Variants in RIPOR2 observed in about 807,000 individuals in gnomAD.
RIPOR2 encodes RHO family interacting cell polarization regulator 2.
Under a neutral mutation model 114.5 loss-of-function variants are expected in RIPOR2, and 39 were observed. The ratio of observed to expected loss-of-function variants is 0.34; its 90% CI spans 0.26 to 0.44. RIPOR2 has a LOEUF of 0.44. Ranked by LOEUF, RIPOR2 falls within the 20% of genes least tolerant of loss-of-function variation. The pLI is 1.00. For missense variants in RIPOR2, 1,007 were observed against 1,255.1 expected, an observed-to-expected ratio of 0.80 and a Z score of 2.99; for synonymous variants, 445 against 484.4, an observed-to-expected ratio of 0.92 and a Z score of 1.07.
chr6:24,993,637 C>T (rs1293938612), intron 1 of RIPOR2, among the ~76,000 whole-genome samples: 1 of 152,238 alleles, frequency 6.6e-6, no homozygotes, highest in Non-Finnish European at 1.5e-5. Flanking sequence ...TGTGCCTGTG[C>T]ACATGCTCAC....
At chr6:25,004,436 AACAG>A (rs1775456899) in intron 1 of RIPOR2, among the ~76,000 whole-genome samples, 1 of 152,174 alleles carries the variant, frequency 6.6e-6, no homozygotes, top group African/African-American at 2.4e-5. Flanking sequence ...TGGAGAGGGT[AACAG>A]CTTCTCCTTT....
intron 1 of RIPOR2, among the ~76,000 whole-genome samples, chr6:24,920,968 C>A (rs1770436555): frequency 6.6e-6 from 1 of 152,186 alleles, no homozygotes; most frequent in South Asian, 2.1e-4. Flanking sequence ...CCTAACCTAC[C>A]TTTTCCCCTA....
intron 1 of RIPOR2, among the ~76,000 whole-genome samples, chr6:24,917,244 A>AC (rs915611233): frequency 1.1e-4 from 17 of 152,222 alleles, no homozygotes; most frequent in Middle Eastern, 3.4e-3. Flanking sequence ...GACTTTGGGG[A>AC]CCCCTTGAAA....
intron 1 of RIPOR2, among the ~76,000 whole-genome samples, chr6:24,879,649 G>C (rs1040580100): frequency 6.6e-6 from 1 of 152,122 alleles, no homozygotes; most frequent in Non-Finnish European, 1.5e-5. Flanking sequence ...GAGGTATTAG[G>C]GACAAAAGTA....
At chr6:24,910,344 T>G (rs1036212631) in intron 1 of RIPOR2, among the ~76,000 whole-genome samples, 1 of 152,088 alleles carries the variant, frequency 6.6e-6, no homozygotes, top group African/African-American at 2.4e-5. Flanking sequence ...CGGGGGCAAA[T>G]GAAGACCCTT....
chr6:24,933,386 G>A (rs751609457), intron 1 of RIPOR2, among the ~76,000 whole-genome samples: 2 of 152,204 alleles, frequency 1.3e-5, no homozygotes, highest in Non-Finnish European at 2.9e-5. Flanking sequence ...AAGGTCATAA[G>A]TGAATTGGTT....
exon 1 of RIPOR2, chr6:25,041,889 C>T (rs762275400): frequency 1.4e-6 from 1 of 702,960 alleles, no homozygotes; most frequent in Non-Finnish European, 2.6e-6. Flanking sequence ...CCTCCATGGC[C>T]TGTTTCTGAT....
rs373135981 is a variant in RIPOR2 at position 24,915,352 on chromosome 6, T to C, written c.61+20486A>G. Among the ~76,000 whole-genome samples the C allele has an allele frequency of 2.8e-3, 405 of 146,970 alleles. 2 individuals carry two copies. The highest frequency in any genetic ancestry group is 7.9e-3 in the African/African-American group (297 of 37,628). Reference sequence around the variant, plus strand: ...TGACCAATCTTTCTCCCTCTGTCTGTACTTTTTTTTTTTTTTTTTTGAGAT... The same window carrying C: ...TGACCAATCTTTCTCCCTCTGTCTGCACTTTTTTTTTTTTTTTTTTGAGAT... On this transcript the variant is annotated intron_variant, in intron 1 of 21. Coordinates refer to ENST00000643898, the MANE Select transcript of RIPOR2 (RefSeq NM_001286445.3).
At chr6:25,041,264 A>G (rs1582003144) in intron 1 of RIPOR2, among the ~76,000 whole-genome samples, 1 of 152,352 alleles carries the variant, frequency 6.6e-6, no homozygotes, top group East Asian at 1.9e-4. Context: ...CTTGTTCATG[A>G]GAAATGGTCT....
chr6:24,852,313 G>C (rs1201210747), intron 9 of RIPOR2, among the ~76,000 whole-genome samples: 3 of 151,878 alleles, frequency 2.0e-5, no homozygotes, highest in Non-Finnish European at 4.4e-5. Context: ...AAATGGTTCA[G>C]CAAAATAATA....
At chr6:24,945,693 A>G (rs1202124830) in intron 1 of RIPOR2, among the ~76,000 whole-genome samples, 1 of 152,220 alleles carries the variant, frequency 6.6e-6, no homozygotes, top group Non-Finnish European at 1.5e-5. Context: ...CTAGATTGCT[A>G]TAAATTAAGA....
At chr6:24,893,023 C>G (rs1355395397) in intron 1 of RIPOR2, among the ~76,000 whole-genome samples, 9 of 151,996 alleles carry the variant, frequency 5.9e-5, no homozygotes, top group Non-Finnish European at 1.3e-4. Flanking sequence ...AGAGTGAGAC[C>G]CTGTCTCTAA....
chr6:24,887,890 G>T (rs1766978471), intron 1 of RIPOR2, among the ~76,000 whole-genome samples: 1 of 152,040 alleles, frequency 6.6e-6, no homozygotes, highest in African/African-American at 2.4e-5. Context: ...AATGATTCAG[G>T]GCATAAAACT....
At chr6:24,833,256 A>C (rs1562232372) in intron 15 of RIPOR2, among the ~76,000 whole-genome samples, 1 of 152,176 alleles carries the variant, frequency 6.6e-6, no homozygotes, top group Non-Finnish European at 1.5e-5. Context: ...CAAACCCAGC[A>C]CTTTGGGAGG....
chr6:25,029,411 G>GAAAAAAAAAAAAA (rs71544610), intron 1 of RIPOR2, among the ~76,000 whole-genome samples: 8 of 90,546 alleles, frequency 8.8e-5, no homozygotes, highest in South Asian at 4.3e-4. Context: ...TCTCAAAAAA[G>GAAAAAAAAAAAAA]AAAAAAAAAA....
intron 1 of RIPOR2, among the ~76,000 whole-genome samples, chr6:24,931,292 T>G (rs535743855): frequency 7.2e-4 from 109 of 151,762 alleles, no homozygotes; most frequent in African/African-American, 1.9e-3. Flanking sequence ...ACAATTCTTT[T>G]TGTGTGTGTG....
chr6:24,935,285 G>A (rs1468540234), intron 1 of RIPOR2, among the ~76,000 whole-genome samples: 1 of 129,422 alleles, frequency 7.7e-6, no homozygotes, highest in African/African-American at 3.0e-5. Flanking sequence ...TCCAGCCTGA[G>A]CAACAAAGCA....
chr6:24,970,631 C>A (rs1019103750), intron 1 of RIPOR2, among the ~76,000 whole-genome samples: 2 of 152,024 alleles, frequency 1.3e-5, no homozygotes, highest in African/African-American at 4.8e-5. Context: ...TGAATGACAT[C>A]CTAATGTATT....
At chr6:24,854,214 C>T (rs535345218) in intron 8 of RIPOR2, among the ~76,000 whole-genome samples, 3 of 151,600 alleles carry the variant, frequency 2.0e-5, no homozygotes, top group South Asian at 2.1e-4. Flanking sequence ...GAGATCTTTG[C>T]TTTTTTCTGT....
Sources: gnomAD v4.1 joint callset for allele counts (sites outside exome capture counted in the v4.1 genomes callset) on GRCh38, gnomAD v4.1.1 for gene constraint, MANE v1.5 for transcripts, NCBI Gene and HGNC (gene_info 2026-07-23, HGNC 2026-07-21) for gene names.